The following NFATC1 variants were observed in gnomAD, a reference collection of about 807,000 sequenced individuals.
The protein encoded by NFATC1 is nuclear factor of activated T-cells, cytoplasmic 1.
NFATC1 carries 22 observed loss-of-function variants against 76.0 expected under a neutral mutation model. The ratio of observed to expected loss-of-function variants is 0.29; its 90% CI spans 0.21 to 0.41. The LOEUF (loss-of-function observed/expected upper bound fraction) is 0.41, where lower values mean the gene tolerates loss of function less well. Ranked by LOEUF, NFATC1 falls within the 10% of genes least tolerant of loss-of-function variation. The probability of loss-of-function intolerance (pLI) is 1.00; values close to 1 mark genes in which losing one functional copy is unlikely to be tolerated. For missense variants in NFATC1, 1,357 were observed against 1,337.7 expected (o/e 1.01, Z -0.23); for synonymous variants, 704 against 613.1 (o/e 1.15, Z -2.19).
chr18:79,409,032 CCAT>C lies in NFATC1; in HGVS notation c.128-1363_128-1361del, dbSNP rs1247915267. On this transcript the variant is annotated intron_variant, in intron 1 of 9. Transcript: ENST00000427363. ...ATCCATCCGTCCATCCATCATCCATCCATCATCATCCATCCATTATTCCTCCAT... is the reference window on the plus strand; with the variant it reads ...ATCCATCCGTCCATCCATCATCCATCCATCATCCATCCATTATTCCTCCAT... Among the ~76,000 whole-genome samples the C allele has an allele frequency of 2.6e-4, 14 of 53,080 alleles. 1 individual carries two copies. Among genetic ancestry groups the C allele is most frequent in the African/African-American group, 5.5e-4 (14 of 25,616 alleles). The allele number at this position is 53,080 out of a possible 152,430, so 34.8% of individuals were successfully genotyped here. A position where few individuals can be genotyped will look rare whatever the true frequency, so the allele number is the denominator to read the frequency against.
At chr18:79,439,638 T>C (rs12608349) in intron 3 of NFATC1, among the ~76,000 whole-genome samples, 71,152 of 152,140 alleles carry the variant, frequency 0.47, 17,521 homozygotes, top group African/African-American at 0.63. Context: ...CCGCAGCCCA[T>C]GCAGCTGGGA....
chr18:79,462,106 T>C (rs2088136447), intron 7 of NFATC1, among the ~76,000 whole-genome samples: 1 of 152,132 alleles, frequency 6.6e-6, no homozygotes, highest in Admixed American at 6.5e-5. Context: ...ATAATGACCG[T>C]CCTCGGATTG....
rs1016965194 is a variant in NFATC1, at chr18:79,523,553, A to G, written c.2783-3975A>G. On this transcript the variant is annotated intron_variant, in intron 9 of 9. Coordinates refer to ENST00000427363, the MANE Select transcript of NFATC1 (RefSeq NM_001278669.2). ...TTGCGTGGCCCCAGCAAGGGCACAG[A>G]TAAGATTCACAGGTGAGGCAGTGAA... Among the ~76,000 whole-genome samples the G allele has an allele frequency of 3.8e-4, 58 of 152,280 alleles. 1 individual carries two copies. Among genetic ancestry groups the G allele is most frequent in the Non-Finnish European group, 7.3e-5 (5 of 68,052 alleles).
At chr18:79,456,560 G>C (rs982478767) in intron 6 of NFATC1, among the ~76,000 whole-genome samples, 1 of 152,262 alleles carries the variant, frequency 6.6e-6, no homozygotes, top group Non-Finnish European at 1.5e-5. Context: ...TGTTTTCCTA[G>C]GGTCTGGTTC....
chr18:79,507,072 T>C (rs1378322418), intron 9 of NFATC1, among the ~76,000 whole-genome samples: 1 of 152,204 alleles, frequency 6.6e-6, no homozygotes, highest in East Asian at 1.9e-4. Context: ...GGGCTCTCTT[T>C]GTTCCGAAAC....
chr18:79,430,055 A>G (rs1345355621), intron 2 of NFATC1, among the ~76,000 whole-genome samples: 1 of 152,252 alleles, frequency 6.6e-6, no homozygotes, highest in Admixed American at 6.5e-5. Flanking sequence ...CCACGTGGCT[A>G]GGGTGTGCAC....
At chr18:79,507,075 T>G (rs1315782270) in intron 9 of NFATC1, among the ~76,000 whole-genome samples, 1 of 152,162 alleles carries the variant, frequency 6.6e-6, no homozygotes, top group African/African-American at 2.4e-5. Flanking sequence ...CTCTCTTTGT[T>G]CCGAAACGGA....
At chr18:79,473,770 G>T (rs1000896593) in intron 8 of NFATC1, among the ~76,000 whole-genome samples, 7 of 140,056 alleles carry the variant, frequency 5.0e-5, no homozygotes, top group Non-Finnish European at 7.6e-5. Context: ...GTATTCTCAC[G>T]CTGTCGACAT....
chr18:79,451,920 G>A (rs761377536), intron 6 of NFATC1, 104 bp downstream of exon 6: 14 of 1,382,788 alleles, frequency 1.0e-5, no homozygotes, highest in African/African-American at 2.9e-5. Flanking sequence ...TCACCGGGAC[G>A]GGGCTTATGG....
chr18:79,400,089 ACC>A (rs1249991733), intron 1 of NFATC1, among the ~76,000 whole-genome samples: 1 of 130,336 alleles, frequency 7.7e-6, no homozygotes, highest in Non-Finnish European at 1.6e-5. Flanking sequence ...CCGGGCCGGG[ACC>A]CCCAGGGCAC....
intron 1 of NFATC1, among the ~76,000 whole-genome samples, chr18:79,403,215 C>CCT (rs1462201015): frequency 2.0e-5 from 3 of 152,264 alleles, no homozygotes; most frequent in Non-Finnish European, 4.4e-5. Flanking sequence ...GCTGCGGGCA[C>CCT]AGGTCCCGCG....
chr18:79,445,682 G>T (rs372622620), intron 3 of NFATC1, among the ~76,000 whole-genome samples: 1 of 152,216 alleles, frequency 6.6e-6, no homozygotes, highest in African/African-American at 2.4e-5. Context: ...GATTTTACTC[G>T]TAGGCCCTAA....
intron 7 of NFATC1, among the ~76,000 whole-genome samples, chr18:79,466,396 C>T (rs963183211): frequency 6.6e-6 from 1 of 152,168 alleles, no homozygotes; most frequent in Non-Finnish European, 1.5e-5. Flanking sequence ...TACCAAGTGC[C>T]GCCCTCGGCA....
rs1280664748 is a variant in NFATC1, at chr18:79,474,263, GTAAACC to G, written c.2092+6683_2092+6688del. On this transcript the variant is annotated intron_variant, in intron 8 of 9. Coordinates refer to ENST00000427363, the MANE Select transcript of NFATC1 (RefSeq NM_001278669.2). ...GCGTGTTCTCGCGCTCACTGTCGAC[GTAAACC>G]TGAGGGAAGCGTGTTCTCACGCTCA... 2.9e-4 allele frequency among the ~76,000 whole-genome samples: 39 copies of G among 135,426 alleles called. No homozygotes were observed. In the East Asian group the frequency reaches 6.0e-3, roughly 21 times the overall value. 88.8% of individuals were successfully genotyped at this position (135,426 alleles called of 152,430 possible). A position where few individuals can be genotyped will look rare whatever the true frequency, so the allele number is the denominator to read the frequency against.
chr18:79,506,415 G>C (rs1480576954), intron 9 of NFATC1, among the ~76,000 whole-genome samples: 1 of 152,192 alleles, frequency 6.6e-6, no homozygotes, highest in African/African-American at 2.4e-5. Flanking sequence ...CTCTGTGCTG[G>C]CCCGGCACCT....
chr18:79,490,598 G>A (rs2145084923), intron 9 of NFATC1, among the ~76,000 whole-genome samples: 1 of 152,316 alleles, frequency 6.6e-6, no homozygotes, highest in East Asian at 1.9e-4. Context: ...TCCTCCCTGT[G>A]AGAAAAGCAG....
At chr18:79,468,101 G>A in intron 8 of NFATC1, 1 of 607,904 alleles carries the variant, frequency 1.6e-6, no homozygotes, top group Non-Finnish European at 2.1e-6. Flanking sequence ...GGGACCACGG[G>A]CATCCAGGCT....
Position 79,410,716 on chromosome 18 carries a change from C to T in NFATC1, c.441C>T (p.Ser147=), listed in dbSNP as rs1397796704. Residue 147 remains serine, a synonymous_variant, in exon 2 of 10, where the codon AGC becomes AGT. Coordinates refer to ENST00000427363, the MANE Select transcript of NFATC1 (RefSeq NM_001278669.2). This position sits in a 1 kb window ranked among gnomAD's most constrained non-coding sequence, Gnocchi z 6.7. ...TGGAGGTGGAAGACGTCCTCCCTAG[C>T]TCCAAACGGTCCCCCTCCACGGCCA... is the stretch of plus-strand genomic sequence containing the variant. ...HDVEVEDVLP[S]SKRSPSTATL... 6.2e-7 allele frequency: 1 copy of T among 1,613,084 alleles called. No homozygotes were observed. Among genetic ancestry groups the T allele is most frequent in the Non-Finnish European group, 8.5e-7 (1 of 1,180,026 alleles).
rs953363542 is a variant in NFATC1 at position 79,528,550 on chromosome 18, C to T, written c.*973C>T. 2 of 152,222 alleles carry T rather than the reference C, an allele frequency of 1.3e-5. No individual in the cohort carries two copies. Among genetic ancestry groups the T allele is most frequent in the African/African-American group, 2.4e-5 (1 of 41,456 alleles). 9.4% of individuals were successfully genotyped at this position (152,222 alleles called of 1,614,324 possible). A position where few individuals can be genotyped will look rare whatever the true frequency, so the allele number is the denominator to read the frequency against. On this transcript the variant is annotated 3_prime_UTR_variant, in exon 10 of 10. Transcript: ENST00000427363. ...GACGGCCGTGCATTTTCTCGTCTCA[C>T]GCAGTTCGAGGAGGACCCTAGAAAG...
Sources: allele counts gnomAD v4.1 joint callset (sites outside exome capture counted in the v4.1 genomes callset), GRCh38; gene constraint gnomAD v4.1.1; non-coding constraint Gnocchi (gnomAD v3.1); transcripts MANE v1.5; gene names NCBI Gene and HGNC (gene_info 2026-07-23, HGNC 2026-07-21).